The following DNAJA1 variants were observed in gnomAD, a reference collection of about 807,000 sequenced individuals.
DNAJA1 encodes the protein dnaJ homolog subfamily A member 1.
DNAJA1 carries 26 observed loss-of-function variants against 47.6 expected under a neutral mutation model. The observed-to-expected ratio is 0.55, with a 90% CI of 0.40 to 0.76. The LOEUF (loss-of-function observed/expected upper bound fraction) is 0.76, where lower values mean the gene tolerates loss of function less well. DNAJA1 is among the 30% of genes least tolerant of loss of function. The pLI is 0.00. For missense variants in DNAJA1, 315 were observed against 485.0 expected (o/e 0.65, Z 3.29); for synonymous variants, 165 against 158.4 (o/e 1.04, Z -0.31).
chr9:33,027,830 A>T (rs771573348), intron 3 of DNAJA1, among the ~76,000 whole-genome samples: 19 of 152,104 alleles, frequency 1.2e-4, no homozygotes, highest in Non-Finnish European at 2.2e-4. Flanking sequence ...AGCCTGGGCA[A>T]CAAGAGTGAA....
chr9:33,028,882 T>A (rs1277054488), intron 3 of DNAJA1, among the ~76,000 whole-genome samples: 2 of 152,256 alleles, frequency 1.3e-5, no homozygotes, highest in East Asian at 1.9e-4. Context: ...CATGCTTGAT[T>A]AGAAAGTTAA....
rs369090653 is a variant in DNAJA1 at position 33,030,579 on chromosome 9, G to A, written c.555G>A (p.Glu185=). The A allele has an allele frequency of 2.5e-6, 4 of 1,614,044 alleles. No homozygotes were observed. The highest frequency in any genetic ancestry group is 1.7e-6 in the Non-Finnish European group (2 of 1,180,026). Residue 185 remains glutamate (E), a synonymous_variant, in exon 5 of 9, where the codon GAG becomes GAA. Coordinates refer to ENST00000330899, the MANE Select transcript of DNAJA1 (RefSeq NM_001539.4). The part of the protein sequence containing the change: ...SVCMECQGHG[E]RISPKDRCKS... ...GCATGGAGTGCCAGGGCCATGGGGA[G>A]CGGATCAGTCCTAAAGATAGATGTA... is the stretch of plus-strand genomic sequence containing the variant.
chr9:33,025,761 G>GCGGGGGGAGC (rs1838815207), intron 1 of DNAJA1, among the ~76,000 whole-genome samples: 1 of 152,110 alleles, frequency 6.6e-6, no homozygotes, highest in Non-Finnish European at 1.5e-5. Flanking sequence ...GCGAGGGGCT[G>GCGGGGGGAGC]CGGGGGGAGC....
At chr9:33,025,580 G>A (rs1041064137) in intron 1 of DNAJA1, among the ~76,000 whole-genome samples, 197 bp downstream of exon 1, 1 of 152,104 alleles carries the variant, frequency 6.6e-6, no homozygotes, top group Non-Finnish European at 1.5e-5. Context: ...GAATGGGCCC[G>A]AGACCTTTCC....
At chr9:33,034,571 A>T (rs1008087812) in intron 6 of DNAJA1, among the ~76,000 whole-genome samples, 4 of 152,184 alleles carry the variant, frequency 2.6e-5, no homozygotes, top group African/African-American at 9.7e-5. Context: ...TGTGAACCTA[A>T]GCAGCAGATG....
chr9:33,035,408 ATGT>A (rs142398832), intron 6 of DNAJA1, among the ~76,000 whole-genome samples: 10,693 of 152,180 alleles, frequency 0.07, 506 homozygotes, highest in Non-Finnish European at 0.11. Flanking sequence ...ATAATGGGAA[ATGT>A]TGTCAAGCTC....
Position 33,036,521 on chromosome 9 carries a change from C to G in DNAJA1, c.759-53C>G, listed in dbSNP as rs1200070010. The stretch of plus-strand genomic sequence containing the variant: ...AACAAAAAAACAGCCTGCTTTGGTA[C>G]ATCTACTGATTCGTGATTTGAAAAA... On this transcript the variant is annotated intron_variant, in intron 6 of 8. Transcript: ENST00000330899. The G allele has an allele frequency of 4.9e-6, 6 of 1,219,670 alleles. No individual in the cohort carries two copies. In the East Asian group the frequency reaches 1.5e-4, roughly 30 times the overall value. 75.6% of individuals were successfully genotyped at this position (1,219,670 alleles called of 1,614,324 possible). A position where few individuals can be genotyped will look rare whatever the true frequency, so the allele number is the denominator to read the frequency against.
chr9:33,027,522 A>C (rs1290908751), intron 3 of DNAJA1, among the ~76,000 whole-genome samples: 1 of 152,128 alleles, frequency 6.6e-6, no homozygotes, highest in Admixed American at 6.6e-5. Context: ...GAGTGGTAGC[A>C]AATGACTGCT....
chr9:33,038,935 T>A lies in DNAJA1; in HGVS notation c.*32T>A, dbSNP rs1456257632. 6.4e-7 allele frequency: 1 copy of A among 1,568,218 alleles called. No homozygotes were observed. The highest frequency in any genetic ancestry group is 2.3e-5 in the East Asian group (1 of 43,520). On this transcript the variant is annotated 3_prime_UTR_variant, in exon 9 of 9. Coordinates refer to ENST00000330899, the MANE Select transcript of DNAJA1 (RefSeq NM_001539.4). ...AGTGAATAACACTCACTGCTGGCATTTAATGTGCAGTAGTGAATGAGTGAA... is the reference window on the plus strand; with the variant it reads ...AGTGAATAACACTCACTGCTGGCATATAATGTGCAGTAGTGAATGAGTGAA...
intron 5 of DNAJA1, among the ~76,000 whole-genome samples, chr9:33,034,004 T>G (rs547124350): frequency 6.6e-6 from 1 of 152,272 alleles, no homozygotes; most frequent in South Asian, 2.1e-4. Flanking sequence ...ATAGCAGCTC[T>G]GAGATTTGAA....
chr9:33,030,793 T>C (rs112441039), intron 5 of DNAJA1, 126 bp downstream of exon 5: 29 of 809,788 alleles, frequency 3.6e-5, no homozygotes, highest in African/African-American at 2.4e-4. Flanking sequence ...GAAATAACTC[T>C]TAGCAGCTTA....
intron 3 of DNAJA1, 70 bp downstream of exon 3, chr9:33,027,060 C>T (rs1177020192): frequency 1.3e-6 from 2 of 1,569,124 alleles, no homozygotes; most frequent in East Asian, 4.5e-5. Flanking sequence ...TTTGAGAAAT[C>T]ACCCATTTTA....
intron 3 of DNAJA1, among the ~76,000 whole-genome samples, chr9:33,028,951 A>G (rs1838917921): frequency 6.6e-6 from 1 of 152,216 alleles, no homozygotes; most frequent in Non-Finnish European, 1.5e-5. Flanking sequence ...AGTTGGTGGA[A>G]AGGCAATAAT....
At chr9:33,028,205 AT>A (rs1838905660) in intron 3 of DNAJA1, among the ~76,000 whole-genome samples, 1 of 152,192 alleles carries the variant, frequency 6.6e-6, no homozygotes, top group African/African-American at 2.4e-5. Flanking sequence ...TCAAGCTCAT[AT>A]AGCAAGCCAA....
At chr9:33,037,161 C>T (rs1365320464) in intron 8 of DNAJA1, 46 bp downstream of exon 8, 2 of 1,561,192 alleles carry the variant, frequency 1.3e-6, no homozygotes, top group African/African-American at 1.4e-5. Flanking sequence ...AATTGGCTTA[C>T]TAAAATCTGA....
chr9:33,034,865 C>T (rs1839010128), intron 6 of DNAJA1, among the ~76,000 whole-genome samples: 1 of 152,040 alleles, frequency 6.6e-6, no homozygotes, highest in African/African-American at 2.4e-5. Flanking sequence ...TAACATAACA[C>T]CCTCTGTGCA....
chr9:33,030,404 A>G (rs776582793), intron 4 of DNAJA1, 36 bp from the exon 5 acceptor site: 11 of 1,568,164 alleles, frequency 7.0e-6, no homozygotes, highest in African/African-American at 1.4e-5. Context: ...ATACACTACT[A>G]ATTCATACAT....
rs374511744 is a variant in DNAJA1, at chr9:33,038,997, TTTTTG to T, written c.*99_*103del. 9.1e-4 allele frequency: 1,104 copies of T among 1,208,366 alleles called. 1 individual carries two copies. The highest frequency in any genetic ancestry group is 1.2e-3 in the Non-Finnish European group (1,007 of 858,552). 74.9% of individuals were successfully genotyped at this position (1,208,366 alleles called of 1,614,324 possible). A position where few individuals can be genotyped will look rare whatever the true frequency, so the allele number is the denominator to read the frequency against. On this transcript the variant is annotated 3_prime_UTR_variant, in exon 9 of 9. Transcript: ENST00000330899. ...ATAATATGCTCACTACTTGCTCTTG[TTTTTG>T]TTTTAATAAACTATAGTAGTGTTTT...
chr9:33,026,620 A>G lies in DNAJA1; in HGVS notation c.132+4A>G, dbSNP rs1838860913. On this transcript the variant is annotated splice_donor_region_variant and intron_variant, in intron 2 of 8. Transcript: ENST00000330899. ...GAACCCAAATGAAGGAGAGAAGGTG[A>G]ATAGTATCTACTCTTAAACGTATCT... 1.2e-6 allele frequency: 2 copies of G among 1,601,042 alleles called. No homozygotes were observed. The highest frequency in any genetic ancestry group is 1.7e-6 in the Non-Finnish European group (2 of 1,176,962).
Sources: gnomAD v4.1 joint callset for allele counts (sites outside exome capture counted in the v4.1 genomes callset) on GRCh38, gnomAD v4.1.1 for gene constraint, MANE v1.5 for transcripts, NCBI Gene and HGNC (gene_info 2026-07-23, HGNC 2026-07-21) for gene names.